Variants in GPR55 observed in about 807,000 individuals in gnomAD.
The protein encoded by GPR55 is G protein-coupled receptor 55, also known as G-protein coupled receptor 55.
Under a neutral mutation model 7.9 loss-of-function variants are expected in GPR55, and 6 were observed. The ratio of observed to expected loss-of-function variants is 0.76; its 90% CI spans 0.41 to 1.49. The LOEUF (loss-of-function observed/expected upper bound fraction) is 1.49, where lower values mean the gene tolerates loss of function less well. Ranked by LOEUF, GPR55 falls within the 40% of genes most tolerant of loss-of-function variation. GPR55 has a pLI of 0.01. For missense variants in GPR55, 376 were observed against 406.0 expected (o/e 0.93, Z 0.63); for synonymous variants, 183 against 166.8 (o/e 1.10, Z -0.75).
At chr2:230,925,129 C>T (rs935811749) in intron 1 of GPR55, 39 bp downstream of exon 1, 15 of 152,774 alleles carry the variant, frequency 9.8e-5, no homozygotes, top group African/African-American at 3.4e-4. Flanking sequence ...GTTGGAGGCT[C>T]CGTGCCTTAG....
chr2:230,930,854 T>C (rs1691024282), intron 1 of GPR55, among the ~76,000 whole-genome samples: 1 of 152,238 alleles, frequency 6.6e-6, no homozygotes, highest in South Asian at 2.1e-4. Flanking sequence ...AATGAACCTA[T>C]CTTCACCCTT....
intron 1 of GPR55, among the ~76,000 whole-genome samples, chr2:230,939,640 G>C (rs1479090739): frequency 6.6e-6 from 1 of 152,196 alleles, no homozygotes; most frequent in Non-Finnish European, 1.5e-5. Context: ...AAAGGTGTCT[G>C]TGGGTCTCTG....
intron 1 of GPR55, among the ~76,000 whole-genome samples, chr2:230,959,405 C>A (rs141677200): frequency 0.034 from 5,220 of 151,730 alleles, 177 homozygotes; most frequent in African/African-American, 0.087. Flanking sequence ...GCTGTGATTG[C>A]GCCACTGCAC....
chr2:230,933,896 C>T (rs966042479), intron 1 of GPR55, among the ~76,000 whole-genome samples: 2 of 152,198 alleles, frequency 1.3e-5, no homozygotes, highest in African/African-American at 4.8e-5. Flanking sequence ...ACCAGGTCTT[C>T]CCCAAGAGCT....
At chr2:230,929,526 C>G (rs1333454838), upstream of GPR55, 2 of 152,248 alleles carry the variant, frequency 1.3e-5, no homozygotes, top group African/African-American at 4.8e-5. Context: ...ATCAAGGTTA[C>G]AGGAGAAGGT....
At chr2:230,927,609 G>A (rs1330606300), upstream of GPR55, among the ~76,000 whole-genome samples, 1 of 152,226 alleles carries the variant, frequency 6.6e-6, no homozygotes, top group African/African-American at 2.4e-5. Context: ...TGGGAGCCTG[G>A]GCAGGTCCCT....
At chr2:230,959,092 C>T (rs1691531957) in intron 1 of GPR55, among the ~76,000 whole-genome samples, 1 of 152,232 alleles carries the variant, frequency 6.6e-6, no homozygotes, top group Admixed American at 6.5e-5. Context: ...CTCCTCCTCA[C>T]ACTTTTTCTC....
At chr2:230,959,448 CAAA>C (rs111365111) in intron 1 of GPR55, among the ~76,000 whole-genome samples, 1 of 142,596 alleles carries the variant, frequency 7.0e-6, no homozygotes, top group African/African-American at 2.6e-5. Flanking sequence ...AACCCTGTCT[CAAA>C]AAAAAAAAAG....
chr2:230,947,048 C>G (rs1691329246), intron 1 of GPR55, among the ~76,000 whole-genome samples: 1 of 152,236 alleles, frequency 6.6e-6, no homozygotes, highest in Non-Finnish European at 1.5e-5. Context: ...ATTCAACTTT[C>G]TGACGGCCCT....
chr2:230,936,252 G>T (rs1691129655), intron 1 of GPR55, among the ~76,000 whole-genome samples: 2 of 152,200 alleles, frequency 1.3e-5, no homozygotes, highest in African/African-American at 4.8e-5. Flanking sequence ...TGGTTTGGCT[G>T]TGTCCCCACC....
At chr2:230,942,845 A>T (rs951368358) in intron 1 of GPR55, among the ~76,000 whole-genome samples, 2 of 151,938 alleles carry the variant, frequency 1.3e-5, no homozygotes, top group Non-Finnish European at 2.9e-5. Flanking sequence ...AGAGACACGG[A>T]AGGGGCAGGA....
intron 1 of GPR55, among the ~76,000 whole-genome samples, chr2:230,946,786 C>T (rs1691324560): frequency 6.6e-6 from 1 of 152,196 alleles, no homozygotes; most frequent in African/African-American, 2.4e-5. Context: ...AGAAAGCAGG[C>T]CCAGCCCATC....
At chr2:230,957,391 G>A (rs1218688830) in intron 1 of GPR55, among the ~76,000 whole-genome samples, 2 of 152,226 alleles carry the variant, frequency 1.3e-5, no homozygotes, top group Non-Finnish European at 2.9e-5. Flanking sequence ...GGTGTCTCCA[G>A]CATGGATACG....
At chr2:230,932,852 A>G (rs1691070773) in intron 1 of GPR55, among the ~76,000 whole-genome samples, 1 of 152,104 alleles carries the variant, frequency 6.6e-6, no homozygotes, top group African/African-American at 2.4e-5. Flanking sequence ...TAGCTGTGCT[A>G]CAGGCAGGAC....
rs184571693 is a variant in GPR55 at position 230,918,124 on chromosome 2, A to G, written c.-134-7028T>C. Among the ~76,000 whole-genome samples, 248 of 152,356 alleles carry G rather than the reference A, an allele frequency of 1.6e-3. 1 individual carries two copies. The highest frequency in any genetic ancestry group is 2.0e-3 in the Non-Finnish European group (136 of 68,036). ...AAAAGTGGAAATAAAGGAATTAGAA[A>G]AGAGAAAATATCAGAATCAACACAT... On this transcript the variant is annotated intron_variant, in intron 1 of 1. Coordinates refer to ENST00000650999, the MANE Select transcript of GPR55 (RefSeq NM_005683.4).
upstream of GPR55, chr2:230,928,492 G>C (rs970158855): frequency 1.3e-5 from 2 of 152,184 alleles, no homozygotes; most frequent in Non-Finnish European, 2.9e-5. Context: ...AAATGTTTGT[G>C]GATCATCTCC....
Position 230,944,767 on chromosome 2 carries a change from G to A in GPR55, c.-135+16008C>T, listed in dbSNP as rs1396221938. 2.0e-5 allele frequency among the ~76,000 whole-genome samples: 3 copies of A among 152,134 alleles called. No homozygotes were observed. Among genetic ancestry groups the A allele is most frequent in the Admixed American group, 6.5e-5 (1 of 15,280 alleles). ...AATAAAAATAACAAATTCACATTCC[G>A]CTTGTTCATCCTGATTCTTCAGGCC... On this transcript the variant is annotated intron_variant, in intron 1 of 1. Transcript: ENST00000392039. This position sits in a 1 kb window ranked among gnomAD's most constrained non-coding sequence, Gnocchi z 4.2.
At chr2:230,938,413 A>AG (rs1225064643) in intron 1 of GPR55, among the ~76,000 whole-genome samples, 88 of 141,958 alleles carry the variant, frequency 6.2e-4, no homozygotes, top group Non-Finnish European at 2.3e-4. Context: ...AAAAAAAAAA[A>AG]CAAAGAAAGA....
At chr2:230,926,874 G>C (rs1235074564), upstream of GPR55, among the ~76,000 whole-genome samples, 2 of 151,650 alleles carry the variant, frequency 1.3e-5, no homozygotes, top group African/African-American at 4.8e-5. Flanking sequence ...CGTATTTTTA[G>C]TAGAGACAAG....
Sources: allele counts gnomAD v4.1 joint callset (sites outside exome capture counted in the v4.1 genomes callset), GRCh38; gene constraint gnomAD v4.1.1; non-coding constraint Gnocchi (gnomAD v3.1); transcripts MANE v1.5; gene names NCBI Gene and HGNC (gene_info 2026-07-23, HGNC 2026-07-21).